Variants in NT5C1B observed in about 807,000 individuals in gnomAD.
NT5C1B encodes 5'-nucleotidase, cytosolic IB, also known as cytosolic 5'-nucleotidase 1B.
A neutral mutation model predicts 57.8 loss-of-function variants in NT5C1B; 44 were observed. That is an observed-to-expected ratio of 0.76 (90% CI 0.60 to 0.98). The LOEUF is 0.98. NT5C1B is among the 50% of genes least tolerant of loss of function. NT5C1B has a pLI of 0.00. For synonymous variants in NT5C1B, 284 were observed against 282.6 expected, an observed-to-expected ratio of 1.00 and a Z score of -0.05; for missense variants, 742 against 719.5, an observed-to-expected ratio of 1.03 and a Z score of -0.36.
chr2:18,581,022 A>G (rs1666136553), intron 6 of NT5C1B, among the ~76,000 whole-genome samples: 1 of 152,252 alleles, frequency 6.6e-6, no homozygotes. Context: ...AGTAATCTCT[A>G]CACCAAACCC....
At chr2:18,580,641 C>G (rs1666104493) in intron 6 of NT5C1B, among the ~76,000 whole-genome samples, 1 of 152,102 alleles carries the variant, frequency 6.6e-6, no homozygotes, top group African/African-American at 2.4e-5. Flanking sequence ...AATATATGCA[C>G]ACATATCTTC....
rs1300914003 is a variant in NT5C1B, at chr2:18,563,613, G to T, written c.*183C>A. On this transcript the variant is annotated 3_prime_UTR_variant, in exon 9 of 9. Transcript: ENST00000304081. ...TTCAACAGTATTGGTAGTTCAAAGA[G>T]AAGTAGTTTGATGGTAACTTGAGGG... 1.6e-5 allele frequency: 9 copies of T among 550,012 alleles called. No individual in the cohort carries two copies. The South Asian group carries it at 3.5e-4, about 21-fold the overall frequency. The allele number at this position is 550,012 out of a possible 1,614,324, so 34.1% of individuals were successfully genotyped here.
chr2:18,588,405 T>C (rs1666917728), intron 1 of NT5C1B, among the ~76,000 whole-genome samples: 1 of 152,098 alleles, frequency 6.6e-6, no homozygotes. Flanking sequence ...TCTATATTCA[T>C]CCGTTTATGC....
chr2:18,589,339 T>A, intron 1 of NT5C1B, 100 bp downstream of exon 1: 1 of 1,511,124 alleles, frequency 6.6e-7, no homozygotes, highest in South Asian at 1.1e-5. Context: ...TTATCTGAAA[T>A]TATTTGATCA....
Position 18,584,368 on chromosome 2 carries a change from G to T in NT5C1B, c.724-113C>A. ...ACAGCGGGCCCCTGCTTGGAGAAGC[G>T]GGATGCTGGAGACAGCTGAGGCTGG... is the stretch of plus-strand genomic sequence containing the variant. On this transcript the variant is annotated intron_variant, in intron 4 of 8. Coordinates refer to ENST00000304081, the Ensembl canonical transcript of NT5C1B. The surrounding 1 kb of genome is among the most constrained non-coding windows in gnomAD (Gnocchi z 5.8). The T allele has an allele frequency of 6.5e-7, 1 of 1,539,538 alleles. No individual in the cohort carries two copies. Among genetic ancestry groups the T allele is most frequent in the Non-Finnish European group, 8.7e-7 (1 of 1,144,290 alleles).
At position 18,584,867 on chromosome 2, in the gene NT5C1B, G is replaced by T; in HGVS notation, c.370C>A (p.Gln124Lys). The stretch of plus-strand genomic sequence containing the variant: ...CGCGAGTCCAGCGACCGGGGCAGCT[G>T]GGGCGACGCGGGTGGCTGGAGCGAG... Residue 124 changes from glutamine to lysine, a missense_variant, in exon 4 of 9, where the codon CAG becomes AAG. Transcript: ENST00000304081. The surrounding 1 kb of genome is among the most constrained non-coding windows in gnomAD (Gnocchi z 5.8). 6.3e-7 allele frequency: 1 copy of T among 1,598,652 alleles called. No homozygotes were observed. Among genetic ancestry groups the T allele is most frequent in the Non-Finnish European group, 8.5e-7 (1 of 1,174,752 alleles).
At chr2:18,580,550 G>A (rs903375018) in intron 6 of NT5C1B, among the ~76,000 whole-genome samples, 1 of 152,198 alleles carries the variant, frequency 6.6e-6, no homozygotes, top group African/African-American at 2.4e-5. Flanking sequence ...GGGAGGCAGA[G>A]GTTGCCATGA....
chr2:18,584,052 A>C lies in NT5C1B; in HGVS notation c.891+36T>G, dbSNP rs369739135. ...GGCCTGGGTCCCTCCCTCGCCATCG[A>C]GTGTCCTGGCGGGCCAAAGACAGCT... On this transcript the variant is annotated intron_variant, in intron 5 of 8. Transcript: ENST00000304081. The surrounding 1 kb of genome is among the most constrained non-coding windows in gnomAD (Gnocchi z 5.8). The C allele has an allele frequency of 2.9e-5, 47 of 1,614,022 alleles. No homozygotes were observed. Among genetic ancestry groups the C allele is most frequent in the Non-Finnish European group, 3.9e-5 (46 of 1,180,022 alleles).
chr2:18,564,183 C>T lies in NT5C1B; in HGVS notation c.1330-64G>A, dbSNP rs981545896. 1.7e-5 allele frequency: 26 copies of T among 1,493,704 alleles called. No homozygotes were observed. The East Asian group carries it at 4.8e-4, about 28-fold the overall frequency. The allele number at this position is 1,493,704 out of a possible 1,614,324, so 92.5% of individuals were successfully genotyped here. ...GCCAAAGAAAGTGAATGCTAAAAAG[C>T]AGAGACCTATATGATACGATACAAT... On this transcript the variant is annotated intron_variant, in intron 8 of 8. Transcript: ENST00000304081.
chr2:18,584,824 T>C lies in NT5C1B; in HGVS notation c.413A>G (p.Glu138Gly), dbSNP rs751790234. 6.2e-7 allele frequency: 1 copy of C among 1,612,088 alleles called. No homozygotes were observed. Among genetic ancestry groups the C allele is most frequent in the Non-Finnish European group, 8.5e-7 (1 of 1,179,402 alleles). ...GCTGCGCCGGGAGCCAGGATCGGGC[T>C]CTGGGGGCGTGGGAGGCCGCGAGTC... Residue 138 changes from glutamate (E) to glycine (G), a missense_variant, in exon 4 of 9, where the codon GAG (glutamate) becomes GGG (glycine). Transcript: ENST00000304081. The surrounding 1 kb of genome is among the most constrained non-coding windows in gnomAD (Gnocchi z 5.8).
chr2:18,587,629 A>C, intron 1 of NT5C1B, 37 bp from the exon 2 acceptor site: 1 of 1,591,224 alleles, frequency 6.3e-7, no homozygotes, highest in Non-Finnish European at 8.5e-7. Context: ...TTAATTTTTA[A>C]TCTCAGGGCA....
intron 8 of NT5C1B, among the ~76,000 whole-genome samples, chr2:18,568,965 G>A (rs944822449): frequency 4.6e-5 from 7 of 152,162 alleles, no homozygotes; most frequent in African/African-American, 1.2e-4. Flanking sequence ...CCATGCATGC[G>A]TATCCTCAAC....
At position 18,587,245 on chromosome 2, in the gene NT5C1B, A is replaced by G. The variant is rs970022932; in HGVS notation, c.120+258T>C. ...CCCCTCCCTGATTTGAACAAAGACC[A>G]GTCTCCCCCCTGTGTAGGCTGAGCA... On this transcript the variant is annotated intron_variant, in intron 2 of 8. Coordinates refer to ENST00000304081, the Ensembl canonical transcript of NT5C1B. 17 of 1,529,116 alleles carry G rather than the reference A, an allele frequency of 1.1e-5. No individual in the cohort carries two copies. The African/African-American group carries it at 2.2e-4, about 20-fold the overall frequency. The allele number at this position is 1,529,116 out of a possible 1,614,324, so 94.7% of individuals were successfully genotyped here.
chr2:18,582,989 C>A, exon 6 of NT5C1B: 1 of 1,613,206 alleles, frequency 6.2e-7, no homozygotes, highest in South Asian at 1.1e-5. Context: ...CATTGACATA[C>A]TGTAGTGCCT....
intron 8 of NT5C1B, among the ~76,000 whole-genome samples, chr2:18,571,677 G>A (rs1665169323): frequency 1.6e-5 from 2 of 122,400 alleles, no homozygotes; most frequent in African/African-American, 3.8e-5. Flanking sequence ...AAGTGCAAGG[G>A]AATCAGACTG....
intron 8 of NT5C1B, among the ~76,000 whole-genome samples, chr2:18,574,228 A>T (rs1665465529): frequency 6.6e-6 from 1 of 152,178 alleles, no homozygotes; most frequent in Non-Finnish European, 1.5e-5. Flanking sequence ...GGTACTCAAC[A>T]CATTAATCAT....
intron 8 of NT5C1B, among the ~76,000 whole-genome samples, chr2:18,574,413 G>A (rs1454633645): frequency 6.6e-6 from 1 of 152,116 alleles, no homozygotes; most frequent in Non-Finnish European, 1.5e-5. Flanking sequence ...GTAGAAAACA[G>A]AATGGAAGTT....
chr2:18,572,388 A>G (rs1572329421), intron 8 of NT5C1B, among the ~76,000 whole-genome samples: 1 of 152,326 alleles, frequency 6.6e-6, no homozygotes, highest in East Asian at 1.9e-4. Context: ...GGATTAGGCA[A>G]AGATTTCTTA....
In NT5C1B at chr2:18,584,255, G is replaced by C. The variant is rs748295177; in HGVS notation, c.724C>G (p.Pro242Ala). 2 of 1,613,064 alleles carry C rather than the reference G, an allele frequency of 1.2e-6. No homozygotes were observed. Among genetic ancestry groups the C allele is most frequent in the East Asian group, 2.2e-5 (1 of 44,834 alleles). ...ATGGTGATGGCGTTCTTGGGTTTGG[G>C]CTGCAGAGAGGGACGCCAAAGGGAG... Residue 242 changes from proline to alanine, a missense_variant and splice_region_variant, in exon 5 of 9, where the codon CCC becomes GCC. Physicochemically the swap from Pro to Ala is conservative, Grantham distance 27. Transcript: ENST00000304081. The surrounding 1 kb of genome is among the most constrained non-coding windows in gnomAD (Gnocchi z 5.8).
Sources: gnomAD v4.1 joint callset for allele counts (sites outside exome capture counted in the v4.1 genomes callset) on GRCh38, gnomAD v4.1.1 for gene constraint, Gnocchi (gnomAD v3.1) non-coding constraint, MANE v1.5 for transcripts, NCBI Gene and HGNC (gene_info 2026-07-23, HGNC 2026-07-21) for gene names.